The following SLC6A2 variants were observed in gnomAD, a reference collection of about 807,000 sequenced individuals.
The protein encoded by SLC6A2 is solute carrier family 6 member 2.
A neutral mutation model predicts 71.7 loss-of-function variants in SLC6A2; 26 were observed. The ratio of observed to expected loss-of-function variants is 0.36; its 90% CI spans 0.27 to 0.50. The LOEUF (loss-of-function observed/expected upper bound fraction) is 0.50. SLC6A2 is among the 20% of genes least tolerant of loss of function. SLC6A2 has a pLI of 0.96. For missense variants in SLC6A2, 581 were observed against 803.9 expected, an observed-to-expected ratio of 0.72 and a Z score of 3.35; for synonymous variants, 363 against 337.9, an observed-to-expected ratio of 1.07 and a Z score of -0.82.
intron 2 of SLC6A2, among the ~76,000 whole-genome samples, chr16:55,668,842 C>T (rs898911505): frequency 2.4e-4 from 36 of 152,300 alleles, no homozygotes; most frequent in African/African-American, 8.4e-4. Flanking sequence ...CTTCAGCCAC[C>T]TGTAACAGTG....
Position 55,685,134 on chromosome 16 carries a change from T to C in SLC6A2, c.645-9T>C. 1 of 1,614,104 alleles carries C rather than the reference T, an allele frequency of 6.2e-7. No individual in the cohort carries two copies. Among genetic ancestry groups the C allele is most frequent in the Non-Finnish European group, 8.5e-7 (1 of 1,179,996 alleles). On this transcript the variant is annotated splice_polypyrimidine_tract_variant and intron_variant, in intron 4 of 14. Transcript: ENST00000568943. ...TTTACCCTGGTCCCCTCCCCTCTCC[T>C]CTGGGCAGGCGTGGTGTCCTGCACC... is the stretch of plus-strand genomic sequence containing the variant.
At chr16:55,685,306 A>G (rs1439678898) in intron 5 of SLC6A2, 25 bp downstream of exon 5, 1 of 1,611,242 alleles carries the variant, frequency 6.2e-7, no homozygotes, top group African/African-American at 1.3e-5. Context: ...TTTCTCTTTC[A>G]CTTACTTGGG....
At position 55,704,304 on chromosome 16, in the gene SLC6A2, A is replaced by C. The variant is rs1243105862; in HGVS notation, c.*1958A>C. 6.6e-6 allele frequency: 1 copy of C among 152,186 alleles called. No homozygotes were observed. The highest frequency in any genetic ancestry group is 1.5e-5 in the Non-Finnish European group (1 of 68,038). 9.4% of individuals were successfully genotyped at this position (152,186 alleles called of 1,614,324 possible). On this transcript the variant is annotated 3_prime_UTR_variant, in exon 15 of 15. Coordinates refer to ENST00000568943, the MANE Select transcript of SLC6A2 (RefSeq NM_001172501.3). The stretch of plus-strand genomic sequence containing the variant: ...TGAGAGAACCAAGGCCCAGCATTTT[A>C]GTCACTCTTGCTCAAGGTTTTTTAG...
chr16:55,701,905 G>C lies in SLC6A2; in HGVS notation c.1801G>C (p.Val601Leu), dbSNP rs201793493. 1.9e-4 allele frequency: 312 copies of C among 1,614,064 alleles called. No homozygotes were observed. Among genetic ancestry groups the C allele is most frequent in the Non-Finnish European group, 2.3e-4 (275 of 1,179,884 alleles). Residue 601 changes from valine (V) to leucine (L), a missense_variant, in exon 14 of 15, where the codon GTG (valine) becomes CTG (leucine). Val to Leu is a conservative substitution (Grantham distance 32). Coordinates refer to ENST00000568943, the MANE Select transcript of SLC6A2 (RefSeq NM_001172501.3). ...CACGCCAGAGAACGAGCACCACCTG[G>C]TGGCTCAGAGGGACATCAGACAGTT... ...GITPENEHHLVAQRDIRQFQL... is the reference protein window; with the variant it reads ...GITPENEHHLLAQRDIRQFQL...
chr16:55,679,251 A>C (rs1384501980), intron 4 of SLC6A2, among the ~76,000 whole-genome samples: 2 of 148,188 alleles, frequency 1.3e-5, no homozygotes, highest in African/African-American at 2.5e-5. Context: ...TTTTTGAGGC[A>C]GATTCTCACT....
intron 4 of SLC6A2, among the ~76,000 whole-genome samples, chr16:55,681,782 T>G (rs760241986): frequency 2.6e-5 from 4 of 152,258 alleles, no homozygotes; most frequent in Non-Finnish European, 4.4e-5. Context: ...AGACAGACAA[T>G]TGATCTTATC....
intron 3 of SLC6A2, among the ~76,000 whole-genome samples, chr16:55,670,850 T>G (rs1172953468): frequency 6.6e-6 from 1 of 152,200 alleles, no homozygotes; most frequent in Non-Finnish European, 1.5e-5. Flanking sequence ...CATCTTGCGA[T>G]GGAGGAAGAG....
chr16:55,698,804 C>T (rs1567457928), intron 11 of SLC6A2, among the ~76,000 whole-genome samples: 1 of 152,192 alleles, frequency 6.6e-6, no homozygotes, highest in Non-Finnish European at 1.5e-5. Flanking sequence ...TAGGAAAATG[C>T]TGACCCCCAA....
Position 55,704,320 on chromosome 16 carries a change from G to A in SLC6A2, c.*1974G>A, listed in dbSNP as rs1306125096. 6.6e-6 allele frequency: 1 copy of A among 152,140 alleles called. No homozygotes were observed. The highest frequency in any genetic ancestry group is 1.5e-5 in the Non-Finnish European group (1 of 68,032). 9.4% of individuals were successfully genotyped at this position (152,140 alleles called of 1,614,324 possible). A position where few individuals can be genotyped will look rare whatever the true frequency, so the allele number is the denominator to read the frequency against. ...CAGCATTTTAGTCACTCTTGCTCAA[G>A]GTTTTTTAGCAACTAACAGATCGAG... On this transcript the variant is annotated 3_prime_UTR_variant, in exon 15 of 15. Coordinates refer to ENST00000568943, the MANE Select transcript of SLC6A2 (RefSeq NM_001172501.3).
chr16:55,671,751 C>A, intron 3 of SLC6A2, 187 bp from the exon 4 acceptor site: 1 of 1,319,922 alleles, frequency 7.6e-7, no homozygotes, highest in East Asian at 2.5e-5. Flanking sequence ...CTACCCCCAC[C>A]CCAAAATCTG....
At chr16:55,690,233 T>C (rs1300784824) in intron 5 of SLC6A2, among the ~76,000 whole-genome samples, 1 of 152,188 alleles carries the variant, frequency 6.6e-6, no homozygotes, top group African/African-American at 2.4e-5. Flanking sequence ...AAACATTTAT[T>C]TGGACTCACA....
chr16:55,660,121 G>A (rs1964570556), intron 2 of SLC6A2, among the ~76,000 whole-genome samples: 1 of 152,210 alleles, frequency 6.6e-6, no homozygotes, highest in African/African-American at 2.4e-5. Flanking sequence ...AAGCTCAGCT[G>A]CTCTGGATGG....
chr16:55,693,270 C>T (rs1429281769), intron 6 of SLC6A2, among the ~76,000 whole-genome samples: 1 of 152,052 alleles, frequency 6.6e-6, no homozygotes, highest in Non-Finnish European at 1.5e-5. Context: ...ACTTGTAATC[C>T]CAGCCACTCA....
intron 3 of SLC6A2, 124 bp downstream of exon 3, chr16:55,669,820 C>T: frequency 9.5e-7 from 1 of 1,053,720 alleles, no homozygotes; most frequent in Non-Finnish European, 1.4e-6. Flanking sequence ...CAGGTATTGA[C>T]AAGGTCAACA....
chr16:55,692,565 T>C (rs1965669280), intron 6 of SLC6A2, among the ~76,000 whole-genome samples: 1 of 152,234 alleles, frequency 6.6e-6, no homozygotes, highest in East Asian at 1.9e-4. Context: ...ATGGTGAAAG[T>C]GGGTGAATTT....
chr16:55,673,959 G>C (rs1965002570), intron 4 of SLC6A2, among the ~76,000 whole-genome samples: 1 of 152,020 alleles, frequency 6.6e-6, no homozygotes, highest in African/African-American at 2.4e-5. Flanking sequence ...ATATCAGTAT[G>C]GGCTCCTGGA....
At chr16:55,680,657 C>T (rs1965240889) in intron 4 of SLC6A2, among the ~76,000 whole-genome samples, 1 of 152,154 alleles carries the variant, frequency 6.6e-6, no homozygotes, top group Admixed American at 6.5e-5. Context: ...GCAACACACT[C>T]CCAGACACAC....
chr16:55,669,364 A>G lies in SLC6A2; in HGVS notation c.275-201A>G, dbSNP rs572565059. Among the ~76,000 whole-genome samples the G allele has an allele frequency of 3.3e-5, 5 of 152,344 alleles. No homozygotes were observed. The South Asian group carries it at 1.0e-3, about 32-fold the overall frequency. ...ACCTAGATTTTACTAATTTGACCAC[A>G]GAACCTCACTATTATGGTTATGATT... On this transcript the variant is annotated intron_variant, in intron 2 of 14. Coordinates refer to ENST00000568943, the MANE Select transcript of SLC6A2 (RefSeq NM_001172501.3).
intron 4 of SLC6A2, among the ~76,000 whole-genome samples, chr16:55,678,253 G>A (rs1349561366): frequency 6.6e-6 from 1 of 151,996 alleles, no homozygotes; most frequent in Non-Finnish European, 1.5e-5. Context: ...GCCCTTTCTG[G>A]CCTGGAGCCT....
Sources: allele counts gnomAD v4.1 joint callset (sites outside exome capture counted in the v4.1 genomes callset), GRCh38; gene constraint gnomAD v4.1.1; transcripts MANE v1.5; gene names NCBI Gene and HGNC (gene_info 2026-07-23, HGNC 2026-07-21).